Variants in PTGFR observed in about 807,000 individuals in gnomAD.
PTGFR encodes prostaglandin F2-alpha receptor.
Under a neutral mutation model 26.2 loss-of-function variants are expected in PTGFR, and 15 were observed. The observed-to-expected ratio is 0.57, with a 90% CI of 0.38 to 0.88. PTGFR has a LOEUF of 0.88. Ranked by LOEUF, PTGFR falls within the 40% of genes least tolerant of loss-of-function variation. The probability of loss-of-function intolerance (pLI) is 0.00; values close to 1 mark genes in which losing one functional copy is unlikely to be tolerated. For missense variants in PTGFR, 369 were observed against 427.2 expected, an observed-to-expected ratio of 0.86 and a Z score of 1.20; for synonymous variants, 165 against 151.1, an observed-to-expected ratio of 1.09 and a Z score of -0.68.
At chr1:78,535,296 G>A (rs1316237273) in intron 2 of PTGFR, among the ~76,000 whole-genome samples, 7 of 151,978 alleles carry the variant, frequency 4.6e-5, no homozygotes, top group Non-Finnish European at 8.8e-5. Flanking sequence ...GGAGATGAGA[G>A]AGATGAGATT....
intron 2 of PTGFR, among the ~76,000 whole-genome samples, chr1:78,535,647 A>G (rs1007351236): frequency 1.3e-5 from 2 of 152,158 alleles, no homozygotes; most frequent in African/African-American, 4.8e-5. Flanking sequence ...CAAAGCTGGG[A>G]TCAGTGATTT....
intron 2 of PTGFR, among the ~76,000 whole-genome samples, chr1:78,514,798 G>T (rs1256906413): frequency 6.6e-6 from 1 of 152,088 alleles, no homozygotes; most frequent in Non-Finnish European, 1.5e-5. Flanking sequence ...CCAATGCCTT[G>T]GTGATAAGTG....
intron 2 of PTGFR, among the ~76,000 whole-genome samples, chr1:78,510,801 G>A (rs1177592130): frequency 6.6e-6 from 1 of 152,072 alleles, no homozygotes; most frequent in Admixed American, 6.6e-5. Context: ...CCACCTATGA[G>A]CCTGTGACAG....
rs926135910 is a variant in PTGFR at position 78,491,026 on chromosome 1, T to C, written c.-283T>C. On this transcript the variant is annotated 5_prime_UTR_variant, in exon 1 of 3. Coordinates refer to ENST00000370757, the MANE Select transcript of PTGFR (RefSeq NM_000959.4). The stretch of plus-strand genomic sequence containing the variant: ...GCCAGCGCAGCTAGGTGCAGAGGGA[T>C]CCCAGGAGCCGCGCGCGCCCCGCAG... The C allele has an allele frequency of 1.3e-5, 2 of 152,056 alleles. No individual in the cohort carries two copies. The highest frequency in any genetic ancestry group is 4.8e-5 in the African/African-American group (2 of 41,412). 9.4% of individuals were successfully genotyped at this position (152,056 alleles called of 1,614,324 possible).
intron 2 of PTGFR, among the ~76,000 whole-genome samples, chr1:78,522,885 G>T (rs1007782630): frequency 6.6e-6 from 1 of 152,010 alleles, no homozygotes; most frequent in Non-Finnish European, 1.5e-5. Flanking sequence ...TCATTGAAAT[G>T]GGAATATTAG....
chr1:78,517,230 T>A (rs1650110337), intron 2 of PTGFR, among the ~76,000 whole-genome samples: 1 of 152,086 alleles, frequency 6.6e-6, no homozygotes, highest in Admixed American at 6.6e-5. Flanking sequence ...TTCAATAAAA[T>A]TTTTTATCAG....
At chr1:78,524,766 C>A (rs543022719) in intron 2 of PTGFR, among the ~76,000 whole-genome samples, 2 of 152,064 alleles carry the variant, frequency 1.3e-5, no homozygotes, top group Middle Eastern at 3.4e-3. Flanking sequence ...ATGAAAAGAA[C>A]AAATTAGACT....
intron 2 of PTGFR, among the ~76,000 whole-genome samples, chr1:78,515,191 A>T (rs531053833): frequency 6.6e-6 from 1 of 152,112 alleles, no homozygotes; most frequent in African/African-American, 2.4e-5. Context: ...ATTAAAGCAC[A>T]CTGGAATGTG....
chr1:78,521,535 G>T (rs1013652128), intron 2 of PTGFR, among the ~76,000 whole-genome samples: 1 of 152,052 alleles, frequency 6.6e-6, no homozygotes, highest in Admixed American at 6.6e-5. Context: ...TCTATAGTTG[G>T]TATTGTTAGT....
At position 78,538,983 on chromosome 1, in the gene PTGFR, T is replaced by C. The variant is rs1176655838; in HGVS notation, c.*2296T>C. ...AATAACATAAACATGTCAGGATTTT[T>C]ACAGGTGTTAGTGAATTTTTCTAAA... is the stretch of plus-strand genomic sequence containing the variant. On this transcript the variant is annotated 3_prime_UTR_variant, in exon 3 of 3. Transcript: ENST00000370757. 1 of 152,076 alleles carries C rather than the reference T, an allele frequency of 6.6e-6. No individual in the cohort carries two copies. Among genetic ancestry groups the C allele is most frequent in the Non-Finnish European group, 1.5e-5 (1 of 67,970 alleles). 9.4% of individuals were successfully genotyped at this position (152,076 alleles called of 1,614,324 possible). A position where few individuals can be genotyped will look rare whatever the true frequency, so the allele number is the denominator to read the frequency against.
intron 2 of PTGFR, chr1:78,497,922 G>A (rs1053474943): frequency 5.0e-6 from 8 of 1,590,882 alleles, no homozygotes; most frequent in East Asian, 4.5e-5. Context: ...AGTATATGAA[G>A]AGCAAAGTGA....
chr1:78,507,340 G>A (rs1281426058), intron 2 of PTGFR, among the ~76,000 whole-genome samples: 1 of 152,190 alleles, frequency 6.6e-6, no homozygotes, highest in Non-Finnish European at 1.5e-5. Context: ...TCTTCAGGTA[G>A]TGTGTTTGTT....
chr1:78,512,565 A>G (rs1394218168), intron 2 of PTGFR, among the ~76,000 whole-genome samples: 1 of 152,224 alleles, frequency 6.6e-6, no homozygotes, highest in Non-Finnish European at 1.5e-5. Flanking sequence ...ACCATCTTGC[A>G]TGAACTCAGA....
intron 2 of PTGFR, among the ~76,000 whole-genome samples, chr1:78,526,056 C>A (rs12066770): frequency 6.6e-6 from 1 of 152,004 alleles, no homozygotes; most frequent in East Asian, 1.9e-4. Context: ...ATTGCTGAGA[C>A]TGGTTTGTAC....
intron 2 of PTGFR, among the ~76,000 whole-genome samples, chr1:78,519,892 T>G (rs1650181848): frequency 6.6e-6 from 1 of 152,150 alleles, no homozygotes; most frequent in African/African-American, 2.4e-5. Flanking sequence ...CTTCTAAAAT[T>G]GCAACTCTTC....
chr1:78,526,494 A>T (rs3766343), intron 2 of PTGFR, among the ~76,000 whole-genome samples: 3 of 152,082 alleles, frequency 2.0e-5, no homozygotes, highest in Non-Finnish European at 2.9e-5. Flanking sequence ...ACAGACATCC[A>T]GGCATCCTAA....
chr1:78,518,652 TTAGA>T (rs1053695842), intron 2 of PTGFR, among the ~76,000 whole-genome samples: 9 of 149,506 alleles, frequency 6.0e-5, no homozygotes, highest in African/African-American at 2.0e-4. Context: ...GTATTGCATG[TTAGA>T]TAGACCATGA....
intron 2 of PTGFR, among the ~76,000 whole-genome samples, chr1:78,523,586 C>T (rs1650297897): frequency 7.6e-6 from 1 of 132,212 alleles, no homozygotes; most frequent in Non-Finnish European, 1.7e-5. Context: ...GAGTCTGGCA[C>T]AGGTAGGGTG....
rs771927042 is a variant in PTGFR, at chr1:78,493,331, G to C, written c.588G>C (p.Trp196Cys). Residue 196 changes from tryptophan (W) to cysteine (C), a missense_variant, in exon 2 of 3, where the codon TGG becomes TGC. Coordinates refer to ENST00000370757, the MANE Select transcript of PTGFR (RefSeq NM_000959.4). Reference sequence around the variant, plus strand: ...ACAACACAGAAGACATCAAAGACTGGGAAGATAGATTTTATCTTCTACTTT... The same window carrying C: ...ACAACACAGAAGACATCAAAGACTGCGAAGATAGATTTTATCTTCTACTTT... ...CFYNTEDIKD[W>C]EDRFYLLLFS... 1 of 1,614,082 alleles carries C rather than the reference G, an allele frequency of 6.2e-7. No individual in the cohort carries two copies. Among genetic ancestry groups the C allele is most frequent in the Non-Finnish European group, 8.5e-7 (1 of 1,180,004 alleles).
Sources: gnomAD v4.1 joint callset for allele counts (sites outside exome capture counted in the v4.1 genomes callset) on GRCh38, gnomAD v4.1.1 for gene constraint, MANE v1.5 for transcripts, NCBI Gene and HGNC (gene_info 2026-07-23, HGNC 2026-07-21) for gene names.